MGAT4C: variants seen among roughly 807,000 people sequenced by gnomAD.
MGAT4C encodes the protein alpha-1,3-mannosyl-glycoprotein 4-beta-N-acetylglucosaminyltransferase C.
Under a neutral mutation model 40.1 loss-of-function variants are expected in MGAT4C, and 19 were observed. The observed-to-expected ratio is 0.47, with a 90% CI of 0.33 to 0.70. The LOEUF (loss-of-function observed/expected upper bound fraction) is 0.70. MGAT4C is among the 30% of genes least tolerant of loss of function. The pLI, the probability that MGAT4C is intolerant of heterozygous loss-of-function variation, is 0.02. For missense variants in MGAT4C, 491 were observed against 563.2 expected (o/e 0.87, Z 1.30); for synonymous variants, 181 against 187.1 (o/e 0.97, Z 0.27).
At chr12:86,758,390 T>A (rs200812280) in intron 1 of MGAT4C, among the ~76,000 whole-genome samples, 2,869 of 129,276 alleles carry the variant, frequency 0.022, 44 homozygotes, top group Middle Eastern at 0.032. Flanking sequence ...TTTTTTTTTT[T>A]AAAAAAAAGA....
intron 1 of MGAT4C, among the ~76,000 whole-genome samples, chr12:86,154,611 A>ATC (rs1412199558): frequency 1.3e-5 from 2 of 152,176 alleles, no homozygotes; most frequent in African/African-American, 4.8e-5. Context: ...TGCACAGTGA[A>ATC]TCTGCCCAAC....
chr12:86,096,821 G>A (rs1874018058), intron 1 of MGAT4C, among the ~76,000 whole-genome samples: 1 of 151,458 alleles, frequency 6.6e-6, no homozygotes, highest in Non-Finnish European at 1.5e-5. Flanking sequence ...TATCTGTAGA[G>A]GGGATTCTTC....
intron 1 of MGAT4C, among the ~76,000 whole-genome samples, chr12:86,811,129 T>C (rs1174504741): frequency 6.6e-6 from 1 of 150,776 alleles, no homozygotes; most frequent in Admixed American, 6.7e-5. Context: ...TCTGCTTCAA[T>C]GTCATTGTTG....
chr12:86,629,733 C>T (rs149306528), intron 2 of MGAT4C, among the ~76,000 whole-genome samples: 5,276 of 152,216 alleles, frequency 0.035, 137 homozygotes, highest in Non-Finnish European at 0.048. Flanking sequence ...ATACCAGAAT[C>T]CCTGGGACAC....
intron 1 of MGAT4C, among the ~76,000 whole-genome samples, chr12:86,163,336 C>T (rs55844262): frequency 0.015 from 2,316 of 151,880 alleles, 32 homozygotes; most frequent in African/African-American, 0.035. Context: ...GGACCACAGG[C>T]GCACACCACC....
intron 2 of MGAT4C, among the ~76,000 whole-genome samples, chr12:86,630,491 C>A (rs1225042475): frequency 6.6e-6 from 1 of 152,000 alleles, no homozygotes; most frequent in Non-Finnish European, 1.5e-5. Flanking sequence ...AACATCGATG[C>A]AAAAATCCTC....
At chr12:86,627,494 G>GT (rs398076816) in intron 2 of MGAT4C, among the ~76,000 whole-genome samples, 3 of 40 alleles carry the variant, frequency 0.075, no homozygotes, top group African/African-American at 0.21. Flanking sequence ...TCATACAGCT[G>GT]GTGCCCCTCT....
intron 2 of MGAT4C, among the ~76,000 whole-genome samples, chr12:86,706,327 A>G (rs531249441): frequency 6.4e-4 from 97 of 152,340 alleles, no homozygotes; most frequent in African/African-American, 2.1e-3. Flanking sequence ...ATCAATTCTG[A>G]GAATTGGATT....
chr12:86,188,250 T>A (rs1489691705), intron 1 of MGAT4C, among the ~76,000 whole-genome samples: 15 of 152,068 alleles, frequency 9.9e-5, no homozygotes, highest in African/African-American at 3.6e-4. Context: ...GTGATGGTTT[T>A]CTAGTGGGAA....
Position 85,972,004 on chromosome 12 carries a change from A to G in MGAT4C, c.*7285T>C, listed in dbSNP as rs923189113. ...CTACAGTAACTCAGCAGAAAGTTAG[A>G]GGGCAGCATACATACATTGGTTTAT... is the stretch of plus-strand genomic sequence containing the variant. On this transcript the variant is annotated 3_prime_UTR_variant, in exon 5 of 5. Transcript: ENST00000611864. 6.6e-6 allele frequency: 1 copy of G among 151,188 alleles called. No individual in the cohort carries two copies. The highest frequency in any genetic ancestry group is 1.5e-5 in the Non-Finnish European group (1 of 67,304). The allele number at this position is 151,188 out of a possible 1,614,324, so 9.4% of individuals were successfully genotyped here. A position where few individuals can be genotyped will look rare whatever the true frequency, so the allele number is the denominator to read the frequency against.
chr12:86,391,363 G>T (rs1272993938), intron 3 of MGAT4C, among the ~76,000 whole-genome samples: 1 of 152,156 alleles, frequency 6.6e-6, no homozygotes, highest in Non-Finnish European at 1.5e-5. Flanking sequence ...TGTTTTAACA[G>T]TATGGGGTTA....
intron 1 of MGAT4C, among the ~76,000 whole-genome samples, chr12:86,735,129 T>C (rs1483664857): frequency 1.3e-5 from 2 of 151,892 alleles, no homozygotes; most frequent in East Asian, 3.9e-4. Flanking sequence ...TTGTCCAGAG[T>C]TTCCATCTCG....
intron 1 of MGAT4C, among the ~76,000 whole-genome samples, chr12:86,052,936 A>G (rs1022303314): frequency 1.3e-5 from 2 of 151,980 alleles, no homozygotes; most frequent in Non-Finnish European, 1.5e-5. Flanking sequence ...CATCTCTATA[A>G]GCTGAGTGGT....
upstream of MGAT4C, among the ~76,000 whole-genome samples, chr12:86,259,093 T>G (rs1454116777): frequency 6.6e-6 from 1 of 151,982 alleles, no homozygotes; most frequent in Non-Finnish European, 1.5e-5. Context: ...ATTTTATACA[T>G]AAGGACAGAA....
chr12:86,159,614 T>C (rs911818208), intron 1 of MGAT4C, among the ~76,000 whole-genome samples: 2 of 151,994 alleles, frequency 1.3e-5, no homozygotes, highest in Non-Finnish European at 2.9e-5. Flanking sequence ...TTTTTTTTCT[T>C]TTTATACATC....
At chr12:86,300,607 A>C (rs926162935) in intron 4 of MGAT4C, among the ~76,000 whole-genome samples, 1 of 152,200 alleles carries the variant, frequency 6.6e-6, no homozygotes, top group Non-Finnish European at 1.5e-5. Flanking sequence ...ACTACTAAGC[A>C]GCTTCAAGTT....
chr12:86,006,560 A>G lies in MGAT4C; in HGVS notation c.-6-17008T>C, dbSNP rs114681711. Among the ~76,000 whole-genome samples the G allele has an allele frequency of 9.0e-4, 137 of 152,300 alleles. 1 individual carries two copies. The highest frequency in any genetic ancestry group is 3.2e-3 in the African/African-American group (133 of 41,582). On this transcript the variant is annotated intron_variant, in intron 2 of 4. Coordinates refer to ENST00000611864, the MANE Select transcript of MGAT4C (RefSeq NM_001351288.2). ...ACTGACAAAGAATCTCTCCTTGACT[A>G]AACTTTAATCAGTCTCCTCTGAGCT...
chr12:86,458,438 T>C (rs1957544725), intron 2 of MGAT4C, among the ~76,000 whole-genome samples: 1 of 152,206 alleles, frequency 6.6e-6, no homozygotes, highest in Non-Finnish European at 1.5e-5. Flanking sequence ...CTACCTCAGC[T>C]ATGTTCCTTT....
At chr12:86,676,287 G>C (rs1964397611) in intron 2 of MGAT4C, among the ~76,000 whole-genome samples, 1 of 152,130 alleles carries the variant, frequency 6.6e-6, no homozygotes, top group Admixed American at 6.6e-5. Flanking sequence ...TTCAATATGA[G>C]TGCCCTGTAG....
Sources: gnomAD v4.1 joint callset for allele counts (sites outside exome capture counted in the v4.1 genomes callset) on GRCh38, gnomAD v4.1.1 for gene constraint, MANE v1.5 for transcripts, NCBI Gene and HGNC (gene_info 2026-07-23, HGNC 2026-07-21) for gene names.